ZNF706: variants seen among roughly 807,000 people sequenced by gnomAD.
ZNF706 encodes zinc finger protein 706.
In ZNF706, 4 loss-of-function variants were observed where a neutral mutation model predicts 9.2. That is an observed-to-expected ratio of 0.43 (90% CI 0.21 to 0.99). ZNF706 has a LOEUF of 0.99. Among genes scored for constraint, ZNF706 ranks in the 50% least tolerant of loss-of-function variants. The pLI is 0.26. For synonymous variants in ZNF706, 28 were observed against 27.3 expected (o/e 1.03, Z -0.08); for missense variants, 27 against 87.8 (o/e 0.31, Z 2.77).
intron 1 of ZNF706, chr8:101,204,931 A>G: frequency 2.1e-5 from 21 of 985,340 alleles, no homozygotes; most frequent in Non-Finnish European, 2.4e-5. Context: ...GGGAGAGGAG[A>G]GGAGGAACGC....
chr8:101,203,620 A>G (rs1160912402), intron 1 of ZNF706: 2 of 152,222 alleles, frequency 1.3e-5, no homozygotes. Flanking sequence ...TTTTCAGGAT[A>G]GTCAGCTGAC....
At chr8:101,203,053 T>G (rs1810620323) in intron 1 of ZNF706, 3 of 152,148 alleles carry the variant, frequency 2.0e-5, no homozygotes, top group Non-Finnish European at 2.9e-5. Flanking sequence ...GTTTCTTTGC[T>G]CTCTAGACGT....
intron 1 of ZNF706, among the ~76,000 whole-genome samples, chr8:101,202,006 T>C (rs1383690372): frequency 6.6e-6 from 1 of 152,174 alleles, no homozygotes; most frequent in African/African-American, 2.4e-5. Flanking sequence ...GCAAATGTTA[T>C]GTACACCAAG....
In ZNF706 at chr8:101,201,606, C is replaced by G; in HGVS notation, c.135+1G>C. 6.2e-7 allele frequency: 1 copy of G among 1,610,614 alleles called. No homozygotes were observed. Among genetic ancestry groups the G allele is most frequent in the Non-Finnish European group, 8.5e-7 (1 of 1,178,886 alleles). ...GTATCTTTCAATTCAATTCCCCTTACCCTACAGACAGTGCAGGTATATATT... is the reference window on the plus strand; with the variant it reads ...GTATCTTTCAATTCAATTCCCCTTAGCCTACAGACAGTGCAGGTATATATT... On this transcript the variant is annotated splice_donor_variant, in intron 2 of 3. Transcript: ENST00000311212. LOFTEE classifies it high-confidence loss of function. The surrounding 1 kb of genome is among the most constrained non-coding windows in gnomAD (Gnocchi z 4.5).
At chr8:101,206,103 T>C (rs1004846261), upstream of ZNF706, 3 of 152,228 alleles carry the variant, frequency 2.0e-5, no homozygotes, top group African/African-American at 4.8e-5. Context: ...CGGCACCGAC[T>C]GAGGCGCTGG....
chr8:101,200,429 C>T, intron 2 of ZNF706: 1 of 217,598 alleles, frequency 4.6e-6, no homozygotes, highest in South Asian at 6.1e-5. Flanking sequence ...TTAGCTCCTA[C>T]TAGCATCATT....
Position 101,201,367 on chromosome 8 carries a change from G to A in ZNF706, c.135+240C>T. The A allele has an allele frequency of 2.1e-6, 1 of 479,710 alleles. No individual in the cohort carries two copies. 29.7% of individuals were successfully genotyped at this position (479,710 alleles called of 1,614,324 possible). A position where few individuals can be genotyped will look rare whatever the true frequency, so the allele number is the denominator to read the frequency against. On this transcript the variant is annotated intron_variant, in intron 2 of 3. Transcript: ENST00000311212. This position sits in a 1 kb window ranked among gnomAD's most constrained non-coding sequence, Gnocchi z 4.5. ...TGAAGACATCTTTATTTTATATGAG[G>A]AAAGCAATTTTGTTTTGTTCACTCT...
Position 101,198,838 on chromosome 8 carries a change from A to T in ZNF706, c.*414T>A, listed in dbSNP as rs1810457820. On this transcript the variant is annotated 3_prime_UTR_variant, in exon 4 of 4. Transcript: ENST00000311212. ...ACTGAGCAGAGAAAGGGATATAAGAATTGCACTTGCAATTCTAGCTGATGA... is the reference window on the plus strand; with the variant it reads ...ACTGAGCAGAGAAAGGGATATAAGATTTGCACTTGCAATTCTAGCTGATGA... 1 of 169,294 alleles carries T rather than the reference A, an allele frequency of 5.9e-6. No individual in the cohort carries two copies. The allele number at this position is 169,294 out of a possible 1,614,324, so 10.5% of individuals were successfully genotyped here. A position where few individuals can be genotyped will look rare whatever the true frequency, so the allele number is the denominator to read the frequency against.
rs1810408641 is a variant in ZNF706, at chr8:101,197,574, T to A, written c.*1678A>T. 1 of 151,710 alleles carries A rather than the reference T, an allele frequency of 6.6e-6. No homozygotes were observed. The highest frequency in any genetic ancestry group is 1.5e-5 in the Non-Finnish European group (1 of 67,924). 9.4% of individuals were successfully genotyped at this position (151,710 alleles called of 1,614,324 possible). ...AAAACTTGTGAATGGTTTTATATGATTTGTCACTAAACATATACATATGCT... is the reference window on the plus strand; with the variant it reads ...AAAACTTGTGAATGGTTTTATATGAATTGTCACTAAACATATACATATGCT... On this transcript the variant is annotated 3_prime_UTR_variant, in exon 4 of 4. Transcript: ENST00000311212.
In ZNF706 at chr8:101,201,911, T is replaced by C. The variant is rs1451604676; in HGVS notation, c.-2-168A>G. Among the ~76,000 whole-genome samples the C allele has an allele frequency of 1.3e-5, 2 of 152,182 alleles. No individual in the cohort carries two copies. Among genetic ancestry groups the C allele is most frequent in the Non-Finnish European group, 2.9e-5 (2 of 68,036 alleles). On this transcript the variant is annotated intron_variant, in intron 1 of 3. Transcript: ENST00000311212. This position sits in a 1 kb window ranked among gnomAD's most constrained non-coding sequence, Gnocchi z 4.5. The stretch of plus-strand genomic sequence containing the variant: ...CATATAAATGCTACAAAAGTATCAA[T>C]TGACACAACCCTGTGGAAAACTAGT...
At position 101,201,625 on chromosome 8, in the gene ZNF706, A is replaced by G; in HGVS notation, c.117T>C (p.Tyr39=). Reference sequence around the variant, plus strand: ...CCCTTACCCTACAGACAGTGCAGGTATATATTAAGGCAGCTTTGGCAGCAG... The same window carrying G: ...CCCTTACCCTACAGACAGTGCAGGTGTATATTAAGGCAGCTTTGGCAGCAG... The part of the protein sequence containing the change: ...QKAAAKAALI[Y]TCTVCRTQMP... Residue 39 remains tyrosine, a synonymous_variant, in exon 2 of 4, where the codon TAT becomes TAC. Coordinates refer to ENST00000311212, the MANE Select transcript of ZNF706 (RefSeq NM_016096.5). This position sits in a 1 kb window ranked among gnomAD's most constrained non-coding sequence, Gnocchi z 4.5. The G allele has an allele frequency of 1.9e-6, 3 of 1,612,428 alleles. No individual in the cohort carries two copies. The highest frequency in any genetic ancestry group is 2.5e-6 in the Non-Finnish European group (3 of 1,179,982).
Position 101,198,977 on chromosome 8 carries a change from A to C in ZNF706, c.*275T>G. 2 of 381,270 alleles carry C rather than the reference A, an allele frequency of 5.2e-6. No homozygotes were observed. The highest frequency in any genetic ancestry group is 9.3e-6 in the Non-Finnish European group (2 of 214,592). The allele number at this position is 381,270 out of a possible 1,614,324, so 23.6% of individuals were successfully genotyped here. A position where few individuals can be genotyped will look rare whatever the true frequency, so the allele number is the denominator to read the frequency against. ...ACTATTTTATTAAATGAGTTATTTTACACAATATGAACATCAATATAATTA... is the reference window on the plus strand; with the variant it reads ...ACTATTTTATTAAATGAGTTATTTTCCACAATATGAACATCAATATAATTA... On this transcript the variant is annotated 3_prime_UTR_variant, in exon 4 of 4. Transcript: ENST00000311212.
At chr8:101,204,048 T>C (rs953352455) in intron 1 of ZNF706, 6 of 152,234 alleles carry the variant, frequency 3.9e-5, no homozygotes, top group Non-Finnish European at 8.8e-5. Context: ...CTCACACATC[T>C]TAACTCTTCG....
At chr8:101,200,239 G>T in intron 2 of ZNF706, 142 bp from the exon 3 acceptor site, 1 of 609,276 alleles carries the variant, frequency 1.6e-6, no homozygotes, top group Non-Finnish European at 2.8e-6. Context: ...ACTGGCATAT[G>T]AAGAGGGACT....
rs1238030037 is a variant in ZNF706, at chr8:101,197,716, T to C, written c.*1536A>G. The C allele has an allele frequency of 1.3e-5, 2 of 152,188 alleles. No individual in the cohort carries two copies. The highest frequency in any genetic ancestry group is 2.9e-5 in the Non-Finnish European group (2 of 68,028). The allele number at this position is 152,188 out of a possible 1,614,324, so 9.4% of individuals were successfully genotyped here. On this transcript the variant is annotated 3_prime_UTR_variant, in exon 4 of 4. Coordinates refer to ENST00000311212, the MANE Select transcript of ZNF706 (RefSeq NM_016096.5). ...TCGACATGTTAGGAAACAACAGATA[T>C]TACATCTGAAACTTAGGAAATAAAA...
In ZNF706 at chr8:101,205,634, A is replaced by G. The variant is rs2232686; in HGVS notation, c.-202T>C. The stretch of plus-strand genomic sequence containing the variant: ...GCGCGCCCGCCGCCGCCTCAGCCTT[A>G]GGGGAGACCACTACGCCTCGTGCCC... On this transcript the variant is annotated 5_prime_UTR_variant, in exon 1 of 4. Transcript: ENST00000311212. This position sits in a 1 kb window ranked among gnomAD's most constrained non-coding sequence, Gnocchi z 6.6. The G allele has an allele frequency of 0.014, 2,163 of 158,862 alleles. 57 individuals carry two copies. The highest frequency in any genetic ancestry group is 0.05 in the African/African-American group (2,061 of 41,230). 9.8% of individuals were successfully genotyped at this position (158,862 alleles called of 1,614,324 possible).
intron 1 of ZNF706, chr8:101,204,689 G>C: frequency 1.0e-6 from 1 of 985,446 alleles, no homozygotes; most frequent in Non-Finnish European, 1.2e-6. Flanking sequence ...GGTTTTCCGA[G>C]GGGGCTGCAA....
chr8:101,201,600 C>G lies in ZNF706; in HGVS notation c.135+7G>C. ...AGAGCTGTATCTTTCAATTCAATTC[C>G]CCTTACCCTACAGACAGTGCAGGTA... On this transcript the variant is annotated splice_region_variant and intron_variant, in intron 2 of 3. Coordinates refer to ENST00000311212, the MANE Select transcript of ZNF706 (RefSeq NM_016096.5). This position sits in a 1 kb window ranked among gnomAD's most constrained non-coding sequence, Gnocchi z 4.5. 1.2e-6 allele frequency: 2 copies of G among 1,610,926 alleles called. No homozygotes were observed. Among genetic ancestry groups the G allele is most frequent in the Non-Finnish European group, 1.7e-6 (2 of 1,179,518 alleles).
rs1440505936 is a variant in ZNF706 at position 101,205,247 on chromosome 8, C to T, written c.-3+188G>A. The stretch of plus-strand genomic sequence containing the variant: ...CGCGGCTGGCCTGCGACCCGGCCAC[C>T]TGCAGGGCCTGGCAGGCGCCCGAAC... On this transcript the variant is annotated intron_variant, in intron 1 of 3. Transcript: ENST00000311212. The surrounding 1 kb of genome is among the most constrained non-coding windows in gnomAD (Gnocchi z 6.6). The T allele has an allele frequency of 1.3e-5, 2 of 152,030 alleles. No homozygotes were observed. The highest frequency in any genetic ancestry group is 1.9e-4 in the East Asian group (1 of 5,162). 9.4% of individuals were successfully genotyped at this position (152,030 alleles called of 1,614,324 possible).
Sources: gnomAD v4.1 joint callset for allele counts (sites outside exome capture counted in the v4.1 genomes callset) on GRCh38, gnomAD v4.1.1 for gene constraint, Gnocchi (gnomAD v3.1) non-coding constraint, MANE v1.5 for transcripts, NCBI Gene and HGNC (gene_info 2026-07-23, HGNC 2026-07-21) for gene names.